The following ZRANB3 variants were observed in gnomAD, a reference collection of about 807,000 sequenced individuals.
ZRANB3 encodes DNA annealing helicase and endonuclease ZRANB3.
ZRANB3 carries 125 observed loss-of-function variants against 133.8 expected under a neutral mutation model. The observed-to-expected ratio is 0.93, with a 90% CI of 0.81 to 1.08. ZRANB3 has a LOEUF of 1.08. Ranked by LOEUF, ZRANB3 falls within the 50% of genes least tolerant of loss-of-function variation. The pLI is 0.00. For missense variants in ZRANB3, 1,229 were observed against 1,275.5 expected (o/e 0.96, Z 0.56); for synonymous variants, 387 against 432.7 (o/e 0.89, Z 1.31).
intron 12 of ZRANB3, among the ~76,000 whole-genome samples, chr2:135,231,498 G>A (rs1333964993): frequency 6.6e-6 from 1 of 152,190 alleles, no homozygotes. Flanking sequence ...GGTGGCTCAT[G>A]CCGATAATCC....
chr2:135,389,126 A>G (rs1687110734), intron 3 of ZRANB3, among the ~76,000 whole-genome samples: 1 of 152,156 alleles, frequency 6.6e-6, no homozygotes, highest in African/African-American at 2.4e-5. Context: ...AAAAACAACA[A>G]AAGAACTCAT....
At chr2:135,204,698 T>C (rs1263692517) in intron 19 of ZRANB3, among the ~76,000 whole-genome samples, 2 of 143,058 alleles carry the variant, frequency 1.4e-5, no homozygotes, top group African/African-American at 5.1e-5. Context: ...ATATATACAA[T>C]AATATATATT....
chr2:135,228,787 T>C (rs1694865054), intron 13 of ZRANB3, among the ~76,000 whole-genome samples: 1 of 152,112 alleles, frequency 6.6e-6, no homozygotes, highest in African/African-American at 2.4e-5. Context: ...CTAATAATTA[T>C]ATTTTTTATA....
At chr2:135,438,034 C>A (rs913974641) in intron 2 of ZRANB3, among the ~76,000 whole-genome samples, 1 of 152,120 alleles carries the variant, frequency 6.6e-6, no homozygotes, top group African/African-American at 2.4e-5. Context: ...GACATGTGTG[C>A]TCCTGATTCT....
At chr2:135,519,322 A>C (rs1384428303) in intron 1 of ZRANB3, among the ~76,000 whole-genome samples, 2 of 152,182 alleles carry the variant, frequency 1.3e-5, no homozygotes, top group African/African-American at 4.8e-5. Context: ...AATGAACTCA[A>C]AAAGTATGAT....
chr2:135,409,022 G>C (rs1033158372), intron 2 of ZRANB3, among the ~76,000 whole-genome samples: 9 of 151,978 alleles, frequency 5.9e-5, no homozygotes, highest in African/African-American at 2.2e-4. Context: ...ATAAAGAAAA[G>C]CAGTTTAGTT....
chr2:135,524,648 C>T (rs1694077979), intron 1 of ZRANB3, among the ~76,000 whole-genome samples: 1 of 152,066 alleles, frequency 6.6e-6, no homozygotes, highest in African/African-American at 2.4e-5. Flanking sequence ...AGAGCGGGAA[C>T]ACACCTTACC....
chr2:135,322,956 GCAGTGAGC>G (rs1683608741), intron 6 of ZRANB3, among the ~76,000 whole-genome samples: 1 of 151,924 alleles, frequency 6.6e-6, no homozygotes, highest in South Asian at 2.1e-4. Context: ...GGCACAGGTT[GCAGTGAGC>G]CAAGATCGTG....
intron 15 of ZRANB3, among the ~76,000 whole-genome samples, chr2:135,222,520 T>C (rs1694595798): frequency 6.6e-6 from 1 of 152,140 alleles, no homozygotes; most frequent in South Asian, 2.1e-4. Context: ...AGTGTTTTCA[T>C]ACTAATAGTA....
intron 1 of ZRANB3, among the ~76,000 whole-genome samples, chr2:135,523,115 T>C (rs901757235): frequency 7.9e-5 from 12 of 152,344 alleles, no homozygotes; most frequent in Admixed American, 5.2e-4. Flanking sequence ...ACCAAATTTG[T>C]GTGCCCCTGT....
chr2:135,523,993 CACCT>C (rs1260825489), intron 1 of ZRANB3, among the ~76,000 whole-genome samples: 1 of 152,102 alleles, frequency 6.6e-6, no homozygotes, highest in Non-Finnish European at 1.5e-5. Flanking sequence ...TCCTGGAAGC[CACCT>C]ACAAAATACA....
At chr2:135,347,395 C>A (rs1182316838) in intron 5 of ZRANB3, among the ~76,000 whole-genome samples, 1 of 151,692 alleles carries the variant, frequency 6.6e-6, no homozygotes, top group Non-Finnish European at 1.5e-5. Context: ...TGGGTTCACA[C>A]CATTCTCTTG....
intron 6 of ZRANB3, among the ~76,000 whole-genome samples, chr2:135,324,512 T>C (rs1683703588): frequency 6.6e-6 from 1 of 152,200 alleles, no homozygotes; most frequent in African/African-American, 2.4e-5. Flanking sequence ...TCCAGGTCTT[T>C]GCTATTGTGA....
At chr2:135,418,500 C>T (rs1688687443) in intron 2 of ZRANB3, among the ~76,000 whole-genome samples, 1 of 152,104 alleles carries the variant, frequency 6.6e-6, no homozygotes, top group South Asian at 2.1e-4. Context: ...CAAATATCAA[C>T]ATGCATTGTA....
intron 8 of ZRANB3, among the ~76,000 whole-genome samples, chr2:135,306,591 C>CTTT (rs879814169): frequency 2.7e-5 from 3 of 112,078 alleles, no homozygotes; most frequent in Non-Finnish European, 5.6e-5. Context: ...CGCACCCGGC[C>CTTT]TTTTTTTTTT....
chr2:135,438,397 C>T (rs1689638813), intron 2 of ZRANB3, among the ~76,000 whole-genome samples: 1 of 150,802 alleles, frequency 6.6e-6, no homozygotes, highest in African/African-American at 2.4e-5. Context: ...CCCAGCTACT[C>T]AGAAGACTGA....
In ZRANB3 at chr2:135,207,757, T is replaced by C. The variant is rs1693938165; in HGVS notation, c.2686A>G (p.Thr896Ala). The change falls in exon 19 of 21, where the codon ACA (threonine) becomes GCA (alanine). Residue 896 changes from threonine to alanine, a missense_variant. By Grantham distance (58) the Thr-to-Ala change is moderately conservative. Coordinates refer to ENST00000264159, the MANE Select transcript of ZRANB3 (RefSeq NM_032143.4). The stretch of plus-strand genomic sequence containing the variant: ...ACAGCTTGCAAATAGCCTTTGGATG[T>C]AGAGGGCTTCACAGTGAGATCTGCC... Reference protein sequence around the residue: ...VQADLTVKPSTSKGYLQAVDN... With the variant: ...VQADLTVKPSASKGYLQAVDN... The C allele has an allele frequency of 1.2e-6, 2 of 1,613,918 alleles. No individual in the cohort carries two copies. The highest frequency in any genetic ancestry group is 1.3e-5 in the African/African-American group (1 of 74,950).
rs1208534783 is a variant in ZRANB3 at position 135,484,633 on chromosome 2, T to C, written c.161+19696A>G. Among the ~76,000 whole-genome samples the C allele has an allele frequency of 4.0e-5, 6 of 150,502 alleles. No individual in the cohort carries two copies. The East Asian group carries it at 1.2e-3, about 29-fold the overall frequency. On this transcript the variant is annotated intron_variant, in intron 2 of 20. Transcript: ENST00000264159. The stretch of plus-strand genomic sequence containing the variant: ...TTGGGAGAAATCTAAAAATCTCAAA[T>C]GGCAAAACAAAAAGATAGGTTACCA...
At chr2:135,413,769 T>A (rs757406984) in intron 2 of ZRANB3, among the ~76,000 whole-genome samples, 2 of 151,992 alleles carry the variant, frequency 1.3e-5, no homozygotes, top group Non-Finnish European at 2.9e-5. Flanking sequence ...ACCAACCAAC[T>A]CTACAAGCCA....
Sources: gnomAD v4.1 joint callset for allele counts (sites outside exome capture counted in the v4.1 genomes callset) on GRCh38, gnomAD v4.1.1 for gene constraint, MANE v1.5 for transcripts, NCBI Gene and HGNC (gene_info 2026-07-23, HGNC 2026-07-21) for gene names.